PLEKHA7: variants seen among roughly 807,000 people sequenced by gnomAD.
The protein encoded by PLEKHA7 is pleckstrin homology domain-containing family A member 7.
Under a neutral mutation model 170.0 loss-of-function variants are expected in PLEKHA7, and 104 were observed. The ratio of observed to expected loss-of-function variants is 0.61; its 90% CI spans 0.52 to 0.72. PLEKHA7 has a LOEUF of 0.72. PLEKHA7 is among the 30% of genes least tolerant of loss of function. PLEKHA7 has a pLI of 0.00. For synonymous variants in PLEKHA7, 648 were observed against 660.8 expected, an observed-to-expected ratio of 0.98 and a Z score of 0.30; for missense variants, 1,615 against 1,671.7, an observed-to-expected ratio of 0.97 and a Z score of 0.59.
At position 16,789,708 on chromosome 11, in the gene PLEKHA7, C is replaced by G. The variant is rs758547508; in HGVS notation, c.3156+67G>C. The G allele has an allele frequency of 2.8e-6, 4 of 1,409,144 alleles. No individual in the cohort carries two copies. The highest frequency in any genetic ancestry group is 1.9e-4 in the Middle Eastern group (1 of 5,392). 87.3% of individuals were successfully genotyped at this position (1,409,144 alleles called of 1,614,324 possible). A position where few individuals can be genotyped will look rare whatever the true frequency, so the allele number is the denominator to read the frequency against. ...GCTGAAGGGATGGCCAGTTACTGTC[C>G]CCCTGGGAGACCCTCCCTCCCCATG... On this transcript the variant is annotated intron_variant, in intron 22 of 26. Transcript: ENST00000531066. The surrounding 1 kb of genome is among the most constrained non-coding windows in gnomAD (Gnocchi z 4.6).
intron 10 of PLEKHA7, among the ~76,000 whole-genome samples, chr11:16,818,178 G>A (rs1363361514): frequency 6.6e-6 from 1 of 152,228 alleles, no homozygotes; most frequent in Non-Finnish European, 1.5e-5. Flanking sequence ...ACCTGGGTTT[G>A]AAGCCAAGCT....
intron 4 of PLEKHA7, among the ~76,000 whole-genome samples, chr11:16,869,623 G>T (rs553251592): frequency 6.6e-6 from 1 of 152,336 alleles, no homozygotes; most frequent in South Asian, 2.1e-4. Context: ...CTATAAAGAT[G>T]AAATGGTATG....
At chr11:16,955,286 C>T (rs1861633718) in intron 3 of PLEKHA7, among the ~76,000 whole-genome samples, 1 of 152,198 alleles carries the variant, frequency 6.6e-6, no homozygotes. Context: ...TCCTACTTAT[C>T]CTTCAAGGCC....
chr11:16,841,516 G>A, intron 9 of PLEKHA7, 31 bp downstream of exon 9: 1 of 1,600,794 alleles, frequency 6.2e-7, no homozygotes, highest in Non-Finnish European at 8.5e-7. Flanking sequence ...TGTAGGAGGT[G>A]CTGTGGCAGG....
At position 16,803,316 on chromosome 11, in the gene PLEKHA7, A is replaced by T. The variant is rs187469991; in HGVS notation, c.2008-21T>A. ...GTCATCTGGGAGGCGAACAATTTAA[A>T]AGAGATTTAACCATGGTGTTTGAGA... On this transcript the variant is annotated intron_variant, in intron 13 of 26. Transcript: ENST00000531066. 11 of 1,601,296 alleles carry T rather than the reference A, an allele frequency of 6.9e-6. No homozygotes were observed. The Admixed American group carries it at 1.5e-4, about 22-fold the overall frequency.
chr11:16,803,780 T>C (rs1260027130), intron 13 of PLEKHA7, among the ~76,000 whole-genome samples: 1 of 152,176 alleles, frequency 6.6e-6, no homozygotes, highest in East Asian at 1.9e-4. Flanking sequence ...ATGAAGTCTC[T>C]GAGCAGCCCA....
chr11:16,991,961 G>T (rs1475680156), intron 3 of PLEKHA7, among the ~76,000 whole-genome samples: 2 of 152,208 alleles, frequency 1.3e-5, no homozygotes, highest in African/African-American at 4.8e-5. Flanking sequence ...AAGCAGGGCA[G>T]GGCTGACAGG....
chr11:16,843,120 A>G (rs1406969377), intron 8 of PLEKHA7, among the ~76,000 whole-genome samples: 1 of 152,250 alleles, frequency 6.6e-6, no homozygotes, highest in Non-Finnish European at 1.5e-5. Flanking sequence ...CACATAGTAG[A>G]TGCTCAATAA....
chr11:16,994,511 T>C (rs932757478), intron 3 of PLEKHA7, among the ~76,000 whole-genome samples: 20 of 152,096 alleles, frequency 1.3e-4, no homozygotes, highest in Non-Finnish European at 1.3e-4. Context: ...CCTGCGGACA[T>C]AGGTGGGGGC....
intron 3 of PLEKHA7, among the ~76,000 whole-genome samples, chr11:16,976,770 T>C (rs1256823035): frequency 6.6e-6 from 1 of 152,256 alleles, no homozygotes; most frequent in African/African-American, 2.4e-5. Context: ...TGTCATTTTT[T>C]TGGTCTCATA....
chr11:16,790,188 T>C (rs1190638378), intron 21 of PLEKHA7: 1 of 395,954 alleles, frequency 2.5e-6, no homozygotes, highest in Non-Finnish European at 4.7e-6. Flanking sequence ...GGAATGCCTT[T>C]CACCCCCTGA....
chr11:16,854,285 C>A (rs1360989939), intron 6 of PLEKHA7, among the ~76,000 whole-genome samples: 1 of 152,198 alleles, frequency 6.6e-6, no homozygotes. Context: ...GCCGACAGAG[C>A]TGACAGGGCT....
At chr11:16,938,524 TAAAG>T (rs1860467563) in intron 3 of PLEKHA7, among the ~76,000 whole-genome samples, 1 of 152,140 alleles carries the variant, frequency 6.6e-6, no homozygotes. Context: ...TCTCTTTTAA[TAAAG>T]AAAATTCATT....
intron 3 of PLEKHA7, among the ~76,000 whole-genome samples, chr11:16,937,179 T>C (rs952901230): frequency 6.6e-6 from 1 of 152,258 alleles, no homozygotes; most frequent in African/African-American, 2.4e-5. Context: ...GTTTGCACGC[T>C]TGAAAGGGCC....
intron 19 of PLEKHA7, among the ~76,000 whole-genome samples, chr11:16,794,264 G>A (rs1184787909): frequency 6.6e-6 from 1 of 151,982 alleles, no homozygotes; most frequent in African/African-American, 2.4e-5. Context: ...ACTGCAAAAT[G>A]GGAGAGTTGG....
intron 3 of PLEKHA7, among the ~76,000 whole-genome samples, chr11:16,937,355 G>C (rs1216833113): frequency 6.6e-6 from 1 of 152,184 alleles, no homozygotes; most frequent in African/African-American, 2.4e-5. Context: ...ATATAGTCTA[G>C]TAGAGAACAC....
intron 3 of PLEKHA7, among the ~76,000 whole-genome samples, chr11:16,952,328 A>G (rs190158230): frequency 3.5e-4 from 53 of 152,282 alleles, no homozygotes; most frequent in African/African-American, 1.3e-3. Context: ...GCCTGGAATA[A>G]AAATGACGGC....
At chr11:16,779,106 G>T (rs116985654) in intron 26 of PLEKHA7, 86 bp from the exon 27 acceptor site, 2 of 699,048 alleles carry the variant, frequency 2.9e-6, no homozygotes, top group East Asian at 2.7e-5. Flanking sequence ...GCAGATAGGC[G>T]GACAGGCAGA....
chr11:16,837,131 T>C (rs1463235789), intron 9 of PLEKHA7, among the ~76,000 whole-genome samples: 2 of 152,108 alleles, frequency 1.3e-5, no homozygotes, highest in African/African-American at 4.8e-5. Flanking sequence ...GCCTGTGTTT[T>C]TTATTTTTAA....
Sources: gnomAD v4.1 joint callset for allele counts (sites outside exome capture counted in the v4.1 genomes callset) on GRCh38, gnomAD v4.1.1 for gene constraint, Gnocchi (gnomAD v3.1) non-coding constraint, MANE v1.5 for transcripts, NCBI Gene and HGNC (gene_info 2026-07-23, HGNC 2026-07-21) for gene names.